Variants in MTMR7 observed in about 807,000 individuals in gnomAD.
MTMR7 encodes phosphatidylinositol-3-phosphate phosphatase MTMR7.
MTMR7 carries 76 observed loss-of-function variants against 81.2 expected under a neutral mutation model. That is an observed-to-expected ratio of 0.94 (90% CI 0.78 to 1.13). The LOEUF is 1.13. MTMR7 is among the 50% of genes most tolerant of loss of function. The pLI, the probability that MTMR7 is intolerant of heterozygous loss-of-function variation, is 0.00. For synonymous variants in MTMR7, 372 were observed against 289.8 expected (o/e 1.28, Z -2.88); for missense variants, 1,044 against 820.0 (o/e 1.27, Z -3.34).
chr8:17,364,021 A>ATTTTTT (rs36217265), intron 3 of MTMR7, among the ~76,000 whole-genome samples: 1 of 71,056 alleles, frequency 1.4e-5, no homozygotes, highest in Non-Finnish European at 3.0e-5. Flanking sequence ...TGTTGCTATT[A>ATTTTTT]TTTTTTTTTT....
intron 5 of MTMR7, among the ~76,000 whole-genome samples, chr8:17,343,925 T>C (rs1586223546): frequency 6.6e-6 from 1 of 152,208 alleles, no homozygotes; most frequent in African/African-American, 2.4e-5. Flanking sequence ...CATTTCTTAC[T>C]GATGTCAGAG....
chr8:17,411,761 A>G (rs964627365), intron 1 of MTMR7, among the ~76,000 whole-genome samples: 83 of 152,326 alleles, frequency 5.4e-4, no homozygotes, highest in African/African-American at 1.9e-3. Flanking sequence ...TTCACACGTG[A>G]CTTTGTACCA....
chr8:17,380,973 A>G (rs1169547162), intron 1 of MTMR7, among the ~76,000 whole-genome samples: 2 of 152,222 alleles, frequency 1.3e-5, no homozygotes, highest in Non-Finnish European at 2.9e-5. Context: ...TGACACTAGC[A>G]GACTTCGGGT....
chr8:17,386,177 A>T (rs951943877), intron 1 of MTMR7, among the ~76,000 whole-genome samples: 3 of 152,100 alleles, frequency 2.0e-5, no homozygotes, highest in Admixed American at 6.6e-5. Context: ...GGAGTTAGAG[A>T]CCAGTCCAGA....
At chr8:17,346,646 G>C (rs894672045) in intron 5 of MTMR7, among the ~76,000 whole-genome samples, 2 of 147,106 alleles carry the variant, frequency 1.4e-5, no homozygotes, top group African/African-American at 5.4e-5. Context: ...AATGTCCCTT[G>C]TCTCAAGAAT....
Position 17,374,684 on chromosome 8 carries a change from G to A in MTMR7, c.25-1444C>T, listed in dbSNP as rs188834154. Among the ~76,000 whole-genome samples, 362 of 152,170 alleles carry A rather than the reference G, an allele frequency of 2.4e-3. 1 individual carries two copies. The highest frequency in any genetic ancestry group is 6.7e-3 in the African/African-American group (280 of 41,502). Reference sequence around the variant, plus strand: ...AAAAACTAGCCTGGGGTGGTAGCAGGTGCCTGCAATCCCAGCTACTCGGGA... The same window carrying A: ...AAAAACTAGCCTGGGGTGGTAGCAGATGCCTGCAATCCCAGCTACTCGGGA... On this transcript the variant is annotated intron_variant, in intron 1 of 13. Coordinates refer to ENST00000180173, the MANE Select transcript of MTMR7 (RefSeq NM_004686.5).
intron 1 of MTMR7, among the ~76,000 whole-genome samples, chr8:17,398,826 T>G (rs1166721116): frequency 1.3e-5 from 2 of 152,128 alleles, no homozygotes; most frequent in Admixed American, 6.5e-5. Flanking sequence ...GAAGGGGATA[T>G]GAAGTGAAAG....
intron 6 of MTMR7, among the ~76,000 whole-genome samples, chr8:17,333,438 A>G (rs1020161266): frequency 6.6e-6 from 1 of 152,230 alleles, no homozygotes; most frequent in African/African-American, 2.4e-5. Context: ...AATAAAATTA[A>G]TAGGAGATTT....
rs1374249039 is a variant in MTMR7 at position 17,297,497 on chromosome 8, C to G, written c.*2365G>C. 1.3e-5 allele frequency: 2 copies of G among 152,038 alleles called. No individual in the cohort carries two copies. Among genetic ancestry groups the G allele is most frequent in the African/African-American group, 4.8e-5 (2 of 41,430 alleles). 9.4% of individuals were successfully genotyped at this position (152,038 alleles called of 1,614,324 possible). A position where few individuals can be genotyped will look rare whatever the true frequency, so the allele number is the denominator to read the frequency against. The stretch of plus-strand genomic sequence containing the variant: ...CTATGGTTTCTGTCTCTGATCATCA[C>G]CTTCCATTCTATAAAAAGCTCAGTT... On this transcript the variant is annotated 3_prime_UTR_variant, in exon 14 of 14. Coordinates refer to ENST00000180173, the MANE Select transcript of MTMR7 (RefSeq NM_004686.5).
chr8:17,312,040 C>G (rs1817809756), intron 8 of MTMR7, among the ~76,000 whole-genome samples: 1 of 152,004 alleles, frequency 6.6e-6, no homozygotes, highest in African/African-American at 2.4e-5. Flanking sequence ...AAATTACAGA[C>G]CTATGAAGTT....
At chr8:17,331,862 C>A (rs564924176) in intron 6 of MTMR7, among the ~76,000 whole-genome samples, 1 of 152,278 alleles carries the variant, frequency 6.6e-6, no homozygotes, top group South Asian at 2.1e-4. Context: ...GACATTTCCA[C>A]CAGCCGCCTT....
chr8:17,322,717 C>G (rs1818459824), intron 7 of MTMR7, among the ~76,000 whole-genome samples: 1 of 151,862 alleles, frequency 6.6e-6, no homozygotes, highest in Admixed American at 6.6e-5. Flanking sequence ...CCCAGATACT[C>G]AGGAGGGTGA....
intron 1 of MTMR7, among the ~76,000 whole-genome samples, chr8:17,383,143 G>A (rs1180986491): frequency 6.6e-6 from 1 of 152,102 alleles, no homozygotes; most frequent in East Asian, 1.9e-4. Context: ...TTGGGAGGAT[G>A]GTTCTGGGCA....
intron 1 of MTMR7, among the ~76,000 whole-genome samples, chr8:17,383,176 C>T (rs1035196514): frequency 2.0e-5 from 3 of 152,190 alleles, no homozygotes; most frequent in African/African-American, 7.2e-5. Context: ...TTAAACAGTG[C>T]CCACCCTCTC....
intron 3 of MTMR7, among the ~76,000 whole-genome samples, chr8:17,364,018 A>ATGAT (rs1554514764): frequency 3.7e-5 from 2 of 53,812 alleles, no homozygotes; most frequent in African/African-American, 2.4e-4. Context: ...AAGTGTTGCT[A>ATGAT]TTATTTTTTT....
At chr8:17,400,676 G>T (rs1821400450) in intron 1 of MTMR7, among the ~76,000 whole-genome samples, 1 of 152,122 alleles carries the variant, frequency 6.6e-6, no homozygotes, top group Non-Finnish European at 1.5e-5. Context: ...TTATCTAATT[G>T]TCAGACTTTT....
At chr8:17,315,544 G>A (rs1206916561) in intron 7 of MTMR7, among the ~76,000 whole-genome samples, 2 of 152,184 alleles carry the variant, frequency 1.3e-5, no homozygotes, top group Non-Finnish European at 2.9e-5. Context: ...GAATAATGCA[G>A]GTGGCTGTGC....
intron 4 of MTMR7, among the ~76,000 whole-genome samples, chr8:17,360,125 T>C (rs1820015634): frequency 6.6e-6 from 1 of 152,162 alleles, no homozygotes; most frequent in South Asian, 2.1e-4. Flanking sequence ...AATATAATTA[T>C]TGACAGAAAA....
intron 7 of MTMR7, among the ~76,000 whole-genome samples, chr8:17,323,368 A>T (rs1014605294): frequency 2.6e-5 from 4 of 152,176 alleles, no homozygotes; most frequent in African/African-American, 9.7e-5. Flanking sequence ...ACTAAAAAAT[A>T]GAGAATAATT....
Sources: gnomAD v4.1 joint callset for allele counts (sites outside exome capture counted in the v4.1 genomes callset) on GRCh38, gnomAD v4.1.1 for gene constraint, MANE v1.5 for transcripts, NCBI Gene and HGNC (gene_info 2026-07-23, HGNC 2026-07-21) for gene names.